EPB42: variants seen among roughly 807,000 people sequenced by gnomAD.
EPB42 encodes the protein erythrocyte membrane protein band 4.2.
In EPB42, 49 loss-of-function variants were observed where a neutral mutation model predicts 76.9. The observed-to-expected ratio is 0.64, with a 90% CI of 0.51 to 0.81. The LOEUF (loss-of-function observed/expected upper bound fraction) is 0.81. Ranked by LOEUF, EPB42 falls within the 30% of genes least tolerant of loss-of-function variation. EPB42 has a pLI of 0.00. For missense variants in EPB42, 731 were observed against 867.6 expected (o/e 0.84, Z 1.98); for synonymous variants, 310 against 338.4 (o/e 0.92, Z 0.92).
intron 5 of EPB42, among the ~76,000 whole-genome samples, chr15:43,210,022 T>C (rs913106365): frequency 4.6e-5 from 7 of 152,210 alleles, no homozygotes; most frequent in Non-Finnish European, 1.0e-4. Flanking sequence ...CTGGGTAAGA[T>C]GGGCCCTACC....
Position 43,206,036 on chromosome 15 carries a change from G to C in EPB42, c.1618+294C>G, listed in dbSNP as rs541441695. ...TTTGGGGGCAGCTTATTCCAGCCTGGGGGGAGGTGCTCTCCTGCCACTGTA... is the reference window on the plus strand; with the variant it reads ...TTTGGGGGCAGCTTATTCCAGCCTGCGGGGAGGTGCTCTCCTGCCACTGTA... On this transcript the variant is annotated intron_variant, in intron 10 of 12. Coordinates refer to ENST00000441366, the MANE Select transcript of EPB42 (RefSeq NM_001114134.2). This position sits in a 1 kb window ranked among gnomAD's most constrained non-coding sequence, Gnocchi z 4.7. The C allele has an allele frequency of 3.0e-6, 1 of 338,782 alleles. No homozygotes were observed. Among genetic ancestry groups the C allele is most frequent in the Non-Finnish European group, 5.4e-6 (1 of 184,788 alleles). 21.0% of individuals were successfully genotyped at this position (338,782 alleles called of 1,614,324 possible). A position where few individuals can be genotyped will look rare whatever the true frequency, so the allele number is the denominator to read the frequency against.
At position 43,206,522 on chromosome 15, in the gene EPB42, A is replaced by G; in HGVS notation, c.1426T>C (p.Tyr476His). ...GAGCTGGGTGCTTTCAAGAGCAGGT[A>G]CAGAGGACTGGCAGTCTCGAGACTG... ...PPSLETASPL[Y>H]LLLKAPSSLP... The change falls in exon 10 of 13, where the codon TAC becomes CAC. Residue 476 changes from tyrosine (Y) to histidine (H), a missense_variant. Transcript: ENST00000441366. The surrounding 1 kb of genome is among the most constrained non-coding windows in gnomAD (Gnocchi z 4.7). 6.2e-7 allele frequency: 1 copy of G among 1,614,050 alleles called. No homozygotes were observed. Among genetic ancestry groups the G allele is most frequent in the Non-Finnish European group, 8.5e-7 (1 of 1,179,894 alleles).
intron 6 of EPB42, 122 bp downstream of exon 6, chr15:43,209,152 G>C: frequency 1.7e-6 from 2 of 1,144,848 alleles, no homozygotes; most frequent in Non-Finnish European, 2.6e-6. Context: ...ACTTCTGTGT[G>C]ATGAGATGGG....
chr15:43,216,055 C>A (rs2042373382), intron 2 of EPB42, among the ~76,000 whole-genome samples: 1 of 152,256 alleles, frequency 6.6e-6, no homozygotes, highest in African/African-American at 2.4e-5. Context: ...CTTGGTGATG[C>A]TGCTGCTAGG....
chr15:43,203,187 T>C lies in EPB42; in HGVS notation c.1707A>G (p.Thr569=). 1 of 1,614,026 alleles carries C rather than the reference T, an allele frequency of 6.2e-7. No individual in the cohort carries two copies. The highest frequency in any genetic ancestry group is 8.5e-7 in the Non-Finnish European group (1 of 1,180,004). ...NTFLRLTAMA[T]HSESNLSCFA... is the part of the protein sequence containing the mutation. ...AGCAGCTAAGGTTGGATTCAGAGTGTGTTGCCATGGCGGTGAGTCTAAGGA... is the reference window on the plus strand; with the variant it reads ...AGCAGCTAAGGTTGGATTCAGAGTGCGTTGCCATGGCGGTGAGTCTAAGGA... The change falls in exon 11 of 13, where the codon ACA becomes ACG. Residue 569 remains threonine, a synonymous_variant. Transcript: ENST00000441366.
Position 43,206,361 on chromosome 15 carries a change from C to A in EPB42, c.1587G>T (p.Lys529Asn). The part of the protein sequence containing the change: ...NGVLAAKLWR[K>N]KLHLTLSANL... ...TGGCACTGAGCGTGAGGTGCAGCTT[C>A]TTCCTCCAGAGCTTGGCAGCAAGGA... The change falls in exon 10 of 13, where the codon AAG becomes AAT. Residue 529 changes from lysine (K) to asparagine (N), a missense_variant. By Grantham distance (94) the Lys-to-Asn change is moderately conservative. Coordinates refer to ENST00000441366, the MANE Select transcript of EPB42 (RefSeq NM_001114134.2). The surrounding 1 kb of genome is among the most constrained non-coding windows in gnomAD (Gnocchi z 4.7). 6.2e-7 allele frequency: 1 copy of A among 1,612,884 alleles called. No homozygotes were observed.
In EPB42 at chr15:43,220,966, CA is replaced by C. The variant is rs2042454299; in HGVS notation, c.-142del. 2.7e-6 allele frequency: 2 copies of C among 731,278 alleles called. No individual in the cohort carries two copies. The highest frequency in any genetic ancestry group is 2.7e-5 in the East Asian group (1 of 37,322). The allele number at this position is 731,278 out of a possible 1,614,324, so 45.3% of individuals were successfully genotyped here. ...TGTTGGCTTAAGAATCTGGAAATAG[CA>C]AAACCTCCCCCCACTACTCCTGTGA... On this transcript the variant is annotated 5_prime_UTR_variant, in exon 1 of 13. Transcript: ENST00000441366.
chr15:43,222,126 G>C (rs2042468294), upstream of EPB42, among the ~76,000 whole-genome samples: 1 of 148,194 alleles, frequency 6.7e-6, no homozygotes, highest in Admixed American at 6.8e-5. Flanking sequence ...CATGGAGCAA[G>C]ACTCCATCTC....
intron 1 of EPB42, among the ~76,000 whole-genome samples, chr15:43,217,034 G>A (rs1459770815): frequency 1.3e-5 from 2 of 152,140 alleles, no homozygotes; most frequent in Non-Finnish European, 2.9e-5. Context: ...AACCCTTCAC[G>A]GAGGTGGCTC....
intron 5 of EPB42, 84 bp downstream of exon 5, chr15:43,210,251 C>T: frequency 1.6e-6 from 2 of 1,251,418 alleles, no homozygotes; most frequent in Non-Finnish European, 2.3e-6. Context: ...TTGGGGGTTT[C>T]TGAGGCCACG....
At chr15:43,215,038 C>CTGTGT in intron 3 of EPB42, 57 bp downstream of exon 3, 1 of 1,479,078 alleles carries the variant, frequency 6.8e-7, no homozygotes, top group Non-Finnish European at 9.3e-7. Context: ...GAGCTGCACC[C>CTGTGT]CAGCTCCAGT....
In EPB42 at chr15:43,215,607, G is replaced by GGCC. The variant is rs139577414; in HGVS notation, c.197-280_197-279insGGC. Among the ~76,000 whole-genome samples the GGCC allele has an allele frequency of 0.065, 9,930 of 152,186 alleles. 1,063 individuals carry two copies. The highest frequency in any genetic ancestry group is 0.22 in the African/African-American group (9,246 of 41,430). ...ATGAAATATTGCATGTGAAGTACTT[G>GGCC]CATACATCTGACAGGTAGTATGGAT... On this transcript the variant is annotated intron_variant, in intron 2 of 12. Coordinates refer to ENST00000441366, the MANE Select transcript of EPB42 (RefSeq NM_001114134.2).
At position 43,206,746 on chromosome 15, in the gene EPB42, A is replaced by G. The variant is rs2042211151; in HGVS notation, c.1319-117T>C. 1 of 1,284,490 alleles carries G rather than the reference A, an allele frequency of 7.8e-7. No individual in the cohort carries two copies. Among genetic ancestry groups the G allele is most frequent in the African/African-American group, 1.5e-5 (1 of 68,332 alleles). 79.6% of individuals were successfully genotyped at this position (1,284,490 alleles called of 1,614,324 possible). A position where few individuals can be genotyped will look rare whatever the true frequency, so the allele number is the denominator to read the frequency against. On this transcript the variant is annotated intron_variant, in intron 9 of 12. Coordinates refer to ENST00000441366, the MANE Select transcript of EPB42 (RefSeq NM_001114134.2). The surrounding 1 kb of genome is among the most constrained non-coding windows in gnomAD (Gnocchi z 4.7). Reference sequence around the variant, plus strand: ...CTGCTCAAATGCCAAAGTCACAAGAACTCAGCAAGCCTCTAAGGCCATATT... The same window carrying G: ...CTGCTCAAATGCCAAAGTCACAAGAGCTCAGCAAGCCTCTAAGGCCATATT...
At position 43,208,270 on chromosome 15, in the gene EPB42, T is replaced by A; in HGVS notation, c.1035A>T (p.Gly345=). 2 of 1,614,126 alleles carry A rather than the reference T, an allele frequency of 1.2e-6. No individual in the cohort carries two copies. The highest frequency in any genetic ancestry group is 1.7e-6 in the Non-Finnish European group (2 of 1,179,968). ...TRPALPQGYD[G]WQILHPSAPN... ...GAGCACTTGGGTGCAGAATCTGCCA[T>A]CCATCATAACCCTGGGGCAAGGCAG... The change falls in exon 8 of 13, where the codon GGA becomes GGT. Residue 345 remains glycine, a synonymous_variant. Coordinates refer to ENST00000441366, the MANE Select transcript of EPB42 (RefSeq NM_001114134.2).
At chr15:43,221,142 G>C (rs1174546508), upstream of EPB42, 2 of 406,754 alleles carry the variant, frequency 4.9e-6, no homozygotes, top group Admixed American at 7.3e-5. Flanking sequence ...GTGGGATGGG[G>C]AAGACCTGCC....
chr15:43,208,257 G>A lies in EPB42; in HGVS notation c.1048C>T (p.His350Tyr). 1 of 1,614,098 alleles carries A rather than the reference G, an allele frequency of 6.2e-7. No homozygotes were observed. Among genetic ancestry groups the A allele is most frequent in the Non-Finnish European group, 8.5e-7 (1 of 1,179,960 alleles). Residue 350 changes from histidine (H) to tyrosine (Y), a missense_variant, in exon 8 of 13, where the codon CAC becomes TAC. By Grantham distance (83) the His-to-Tyr change is moderately conservative. Transcript: ENST00000441366. ...PQGYDGWQIL[H>Y]PSAPNGGGVL... ...CCACCTCCATTAGGAGCACTTGGGT[G>A]CAGAATCTGCCATCCATCATAACCC...
intron 1 of EPB42, 119 bp from the exon 2 acceptor site, chr15:43,216,572 C>A (rs2042382841): frequency 9.2e-7 from 1 of 1,089,412 alleles, no homozygotes; most frequent in Non-Finnish European, 1.4e-6. Context: ...TACGTTTTAG[C>A]TGCGCAATCC....
upstream of EPB42, chr15:43,221,020 C>T: frequency 1.6e-6 from 1 of 630,746 alleles, no homozygotes; most frequent in Non-Finnish European, 2.9e-6. Context: ...TTCTCTCCTA[C>T]TCCCTCTCTG....
rs494863 is a variant in EPB42 at position 43,210,104 on chromosome 15, C to T, written c.654+231G>A. ...GAGGGAAAAGAGGCTTAGTCTTCTGCGGGCTTGCATCCTGAGGGATCACAC... is the reference window on the plus strand; with the variant it reads ...GAGGGAAAAGAGGCTTAGTCTTCTGTGGGCTTGCATCCTGAGGGATCACAC... On this transcript the variant is annotated intron_variant, in intron 5 of 12. Transcript: ENST00000441366. Among the ~76,000 whole-genome samples, 122,348 of 152,186 alleles carry T rather than the reference C, an allele frequency of 0.8. 50,764 individuals are homozygous for T. Among genetic ancestry groups the T allele is most frequent in the Non-Finnish European group, 0.91 (61,592 of 68,016 alleles).
Sources: gnomAD v4.1 joint callset for allele counts (sites outside exome capture counted in the v4.1 genomes callset) on GRCh38, gnomAD v4.1.1 for gene constraint, Gnocchi (gnomAD v3.1) non-coding constraint, MANE v1.5 for transcripts, NCBI Gene and HGNC (gene_info 2026-07-23, HGNC 2026-07-21) for gene names.